SULT2B1: variants seen among roughly 807,000 people sequenced by gnomAD.
SULT2B1 encodes sulfotransferase family 2B member 1.
Under a neutral mutation model 33.2 loss-of-function variants are expected in SULT2B1, and 16 were observed. That is an observed-to-expected ratio of 0.48 (90% CI 0.33 to 0.73). The LOEUF is 0.73. Among genes scored for constraint, SULT2B1 ranks in the 30% least tolerant of loss-of-function variants. The pLI is 0.02. For synonymous variants in SULT2B1, 186 were observed against 200.5 expected, an observed-to-expected ratio of 0.93 and a Z score of 0.61; for missense variants, 500 against 506.0, an observed-to-expected ratio of 0.99 and a Z score of 0.11.
chr19:48,577,028 A>ATTTTTTTTTTTTTTTTTTTTTTTT, intron 2 of SULT2B1, among the ~76,000 whole-genome samples: 1 of 92,954 alleles, frequency 1.1e-5, no homozygotes, highest in Non-Finnish European at 1.9e-5. Context: ...ACCCCCCTCT[A>ATTTTTTTTTTTTTTTTTTTTTTTT]TTTTTTTTTT....
At chr19:48,566,019 T>G (rs536532976) in intron 1 of SULT2B1, among the ~76,000 whole-genome samples, 67 of 151,040 alleles carry the variant, frequency 4.4e-4, no homozygotes, top group Middle Eastern at 6.9e-3. Context: ...TTCAAGTGAT[T>G]CTCCCACCTC....
In SULT2B1 at chr19:48,561,419, AAC is replaced by A. The variant is rs1274673453; in HGVS notation, c.71+9099_71+9100del. On this transcript the variant is annotated intron_variant, in intron 1 of 6. Transcript: ENST00000201586. ...ACTCCAGCCTGGGCAACAAGAGTGA[AAC>A]ACTGTCTCAAAATAAATAAATAAAT... 2.7e-5 allele frequency among the ~76,000 whole-genome samples: 4 copies of A among 150,736 alleles called. No homozygotes were observed. The East Asian group carries it at 5.9e-4, about 22-fold the overall frequency.
chr19:48,569,573 A>C (rs1973293983), intron 1 of SULT2B1, among the ~76,000 whole-genome samples: 1 of 151,504 alleles, frequency 6.6e-6, no homozygotes, highest in Admixed American at 6.6e-5. Context: ...TGTGTAGCCC[A>C]GGCTGGTCTT....
chr19:48,596,692 C>T (rs1199976907), intron 5 of SULT2B1, 47 bp from the exon 6 acceptor site: 1 of 1,524,744 alleles, frequency 6.6e-7, no homozygotes, highest in Non-Finnish European at 8.8e-7. Flanking sequence ...ACGCTCCTTC[C>T]TTGGCCGAGT....
chr19:48,571,207 A>AT (rs1213339651), intron 1 of SULT2B1, among the ~76,000 whole-genome samples: 5 of 80,908 alleles, frequency 6.2e-5, no homozygotes, highest in African/African-American at 3.0e-4. Context: ...TTATTTATTT[A>AT]TTTATTTTGA....
intron 2 of SULT2B1, among the ~76,000 whole-genome samples, chr19:48,582,335 T>C (rs1430793512): frequency 6.6e-6 from 1 of 152,208 alleles, no homozygotes; most frequent in Non-Finnish European, 1.5e-5. Context: ...ACAATAATTC[T>C]TGCTTAACCA....
At position 48,576,359 on chromosome 19, in the gene SULT2B1, C is replaced by CTTTTCTTTCTTTTTTTTTTTTTTTTTT; in HGVS notation, c.214+280_214+281insCTTTCTTTTTTTTTTTTTTTTTTTTTT. 4.4e-3 allele frequency among the ~76,000 whole-genome samples: 426 copies of CTTTTCTTTCTTTTTTTTTTTTTTTTTT among 96,644 alleles called. 57 individuals carry two copies. The highest frequency in any genetic ancestry group is 5.8e-3 in the African/African-American group (134 of 23,274). The allele number at this position is 96,644 out of a possible 152,430, so 63.4% of individuals were successfully genotyped here. On this transcript the variant is annotated intron_variant, in intron 2 of 6. Coordinates refer to ENST00000201586, the MANE Select transcript of SULT2B1 (RefSeq NM_177973.2). ...CCTTTCCCCTTTACCCTCTACTTCT[C>CTTTTCTTTCTTTTTTTTTTTTTTTTTT]TTTTTTTTTTTTTTTTTTGTAGAGA...
intron 1 of SULT2B1, among the ~76,000 whole-genome samples, chr19:48,570,319 A>G (rs146400778): frequency 0.016 from 2,394 of 151,736 alleles, no homozygotes; most frequent in African/African-American, 0.054. Flanking sequence ...AGCTGGGATT[A>G]CAGGCGTGCA....
chr19:48,589,966 T>TTTTTTC, intron 3 of SULT2B1, among the ~76,000 whole-genome samples: 1 of 152,058 alleles, frequency 6.6e-6, no homozygotes, highest in East Asian at 1.9e-4. Context: ...GTTTCTTTTC[T>TTTTTTC]TTTTTCTTTT....
intron 2 of SULT2B1, among the ~76,000 whole-genome samples, chr19:48,577,825 C>T (rs1057349904): frequency 6.6e-6 from 1 of 152,144 alleles, no homozygotes; most frequent in Non-Finnish European, 1.5e-5. Flanking sequence ...TGAAATGTCT[C>T]CCTTTATGGA....
At chr19:48,586,367 T>A (rs1407430827) in intron 2 of SULT2B1, among the ~76,000 whole-genome samples, 1 of 152,210 alleles carries the variant, frequency 6.6e-6, no homozygotes. Flanking sequence ...GGGATATCCA[T>A]GCATTCCCAG....
chr19:48,560,715 C>T (rs920351385), intron 1 of SULT2B1, among the ~76,000 whole-genome samples: 138 of 151,812 alleles, frequency 9.1e-4, no homozygotes, highest in African/African-American at 3.3e-3. Flanking sequence ...AATCCCAGCA[C>T]TTTGGGAAGC....
intron 6 of SULT2B1, among the ~76,000 whole-genome samples, chr19:48,598,790 C>A (rs939971830): frequency 2.0e-5 from 3 of 151,776 alleles, no homozygotes; most frequent in Non-Finnish European, 4.4e-5. Context: ...TGGGACTGGT[C>A]GCAGAGGAGG....
chr19:48,559,819 C>T (rs1320523765), intron 1 of SULT2B1, among the ~76,000 whole-genome samples: 1 of 152,038 alleles, frequency 6.6e-6, no homozygotes, highest in African/African-American at 2.4e-5. Flanking sequence ...CGTGACACCG[C>T]AGGCAAGAAA....
chr19:48,576,176 G>A, intron 2 of SULT2B1, 93 bp downstream of exon 2: 1 of 1,170,460 alleles, frequency 8.5e-7, no homozygotes. Context: ...GAGGGGAGGA[G>A]GAAAAGTGGG....
intron 5 of SULT2B1, 147 bp from the exon 6 acceptor site, chr19:48,596,592 C>A: frequency 1.2e-6 from 1 of 833,716 alleles, no homozygotes. Flanking sequence ...AGCCCAACCC[C>A]TCAGTTTGGA....
At chr19:48,565,335 G>T (rs2544804) in intron 1 of SULT2B1, among the ~76,000 whole-genome samples, 81,108 of 150,820 alleles carry the variant, frequency 0.54, 22,931 homozygotes, top group African/African-American at 0.73. Context: ...TTTATGGGGG[G>T]GTGTGTGTGT....
At chr19:48,567,707 C>T (rs11671705) in intron 1 of SULT2B1, among the ~76,000 whole-genome samples, 19,039 of 152,078 alleles carry the variant, frequency 0.13, 1,515 homozygotes, top group Middle Eastern at 0.29. Flanking sequence ...CGGTGGCTCA[C>T]GCCTGTAACC....
At chr19:48,587,207 T>C (rs923623081) in intron 2 of SULT2B1, 22 bp from the exon 3 acceptor site, 5 of 1,579,940 alleles carry the variant, frequency 3.2e-6, no homozygotes, top group Admixed American at 1.7e-5. Context: ...ACCCAATTAA[T>C]CTGCTCGATT....
Sources: gnomAD v4.1 joint callset for allele counts (sites outside exome capture counted in the v4.1 genomes callset) on GRCh38, gnomAD v4.1.1 for gene constraint, MANE v1.5 for transcripts, NCBI Gene and HGNC (gene_info 2026-07-23, HGNC 2026-07-21) for gene names.